TTC7A: variants seen among roughly 807,000 people sequenced by gnomAD.
TTC7A encodes the protein tetratricopeptide repeat domain 7A.
Under a neutral mutation model 103.7 loss-of-function variants are expected in TTC7A, and 110 were observed. That is an observed-to-expected ratio of 1.06 (90% CI 0.91 to 1.24). The LOEUF is 1.24. TTC7A is among the 50% of genes most tolerant of loss of function. The pLI, the probability that TTC7A is intolerant of heterozygous loss-of-function variation, is 0.00. For synonymous variants in TTC7A, 521 were observed against 467.9 expected (o/e 1.11, Z -1.47); for missense variants, 1,340 against 1,116.3 (o/e 1.20, Z -2.86).
rs945119184 is a variant in TTC7A, at chr2:47,074,436, G to C, written c.*513G>C. The stretch of plus-strand genomic sequence containing the variant: ...CCTGCATTGCCCCTGCTTGCCCTCT[G>C]AGACCAGCTGGGCCCCACCTTGCTC... On this transcript the variant is annotated 3_prime_UTR_variant, in exon 20 of 20. Transcript: ENST00000319190. 1.9e-5 allele frequency: 3 copies of C among 155,244 alleles called. No homozygotes were observed. Among genetic ancestry groups the C allele is most frequent in the Non-Finnish European group, 2.9e-5 (2 of 69,956 alleles). The allele number at this position is 155,244 out of a possible 1,614,324, so 9.6% of individuals were successfully genotyped here.
intron 5 of TTC7A, among the ~76,000 whole-genome samples, chr2:46,987,405 G>A (rs554833884): frequency 2.0e-4 from 31 of 152,302 alleles, no homozygotes; most frequent in East Asian, 1.7e-3. Flanking sequence ...GAGGGGGACC[G>A]TGCAGTGCCA....
At chr2:46,959,528 A>G (rs1470288972) in intron 3 of TTC7A, among the ~76,000 whole-genome samples, 1 of 152,122 alleles carries the variant, frequency 6.6e-6, no homozygotes, top group Admixed American at 6.5e-5. Context: ...TGGGGGCCCC[A>G]GTGTGGAGCG....
intron 3 of TTC7A, among the ~76,000 whole-genome samples, chr2:46,962,840 A>G (rs528507128): frequency 3.7e-4 from 57 of 152,196 alleles, no homozygotes; most frequent in Non-Finnish European, 6.8e-4. Context: ...ACTTGAGCCT[A>G]CCTGATAGGT....
intron 15 of TTC7A, among the ~76,000 whole-genome samples, chr2:47,038,807 T>G (rs1057255548): frequency 2.0e-5 from 3 of 151,904 alleles, no homozygotes; most frequent in African/African-American, 7.3e-5. Flanking sequence ...TGGAGCTGCT[T>G]GGATCCTGGG....
chr2:46,979,292 T>C (rs1439662648), intron 5 of TTC7A, among the ~76,000 whole-genome samples: 1 of 152,136 alleles, frequency 6.6e-6, no homozygotes, highest in Non-Finnish European at 1.5e-5. Flanking sequence ...AATGAAGTTA[T>C]TTGGTTCCTC....
In TTC7A at chr2:47,049,992, A is replaced by C. The variant is rs755929011; in HGVS notation, c.1963A>C (p.Lys655Gln). The C allele has an allele frequency of 6.2e-7, 1 of 1,614,152 alleles. No homozygotes were observed. Among genetic ancestry groups the C allele is most frequent in the Admixed American group, 1.7e-5 (1 of 60,030 alleles). Residue 655 changes from lysine to glutamine, a missense_variant, in exon 17 of 20, where the codon AAG (lysine) becomes CAG (glutamine). Coordinates refer to ENST00000319190, the MANE Select transcript of TTC7A (RefSeq NM_020458.4). ...DGSFGEGLTMKKQSGMHLTLP... is the reference protein window; with the variant it reads ...DGSFGEGLTMQKQSGMHLTLP... The stretch of plus-strand genomic sequence containing the variant: ...CAGCTTCGGTGAGGGCCTCACCATG[A>C]AGAAGCAGAGTGGCATGCACCTGAC...
intron 5 of TTC7A, among the ~76,000 whole-genome samples, chr2:46,980,754 C>T (rs1674366611): frequency 6.6e-6 from 1 of 152,224 alleles, no homozygotes; most frequent in African/African-American, 2.4e-5. Context: ...TCACAAATAG[C>T]AGGTTCCCAG....
In TTC7A at chr2:46,959,419, G is replaced by C. The variant is rs114472309; in HGVS notation, c.517+2412G>C. Among the ~76,000 whole-genome samples the C allele has an allele frequency of 2.4e-3, 368 of 152,212 alleles. 3 individuals are homozygous for C. The highest frequency in any genetic ancestry group is 7.4e-3 in the Admixed American group (113 of 15,292). ...CTGTGGTTCTGTTTGGTACTCTCAG[G>C]GGGTGGGCAGTCTGGGTCTCAGGCA... On this transcript the variant is annotated intron_variant, in intron 3 of 19. Coordinates refer to ENST00000319190, the MANE Select transcript of TTC7A (RefSeq NM_020458.4).
intron 15 of TTC7A, among the ~76,000 whole-genome samples, chr2:47,045,784 G>T (rs1240433027): frequency 6.6e-6 from 1 of 152,208 alleles, no homozygotes; most frequent in Non-Finnish European, 1.5e-5. Flanking sequence ...GTTGTGGCTG[G>T]CAAGGTGGGA....
chr2:46,947,356 T>A (rs1671029744), intron 1 of TTC7A, among the ~76,000 whole-genome samples: 1 of 152,216 alleles, frequency 6.6e-6, no homozygotes, highest in Admixed American at 6.5e-5. Flanking sequence ...TATTAGTGCC[T>A]CTTTCGCAGC....
intron 2 of TTC7A, among the ~76,000 whole-genome samples, chr2:46,952,848 A>T (rs1300127312): frequency 6.6e-6 from 1 of 152,144 alleles, no homozygotes; most frequent in Non-Finnish European, 1.5e-5. Flanking sequence ...TGCATCTCCT[A>T]TGCCTTTCTT....
intron 2 of TTC7A, among the ~76,000 whole-genome samples, chr2:46,933,247 T>TGGGA (rs1193393081): frequency 6.6e-6 from 1 of 151,902 alleles, no homozygotes; most frequent in Non-Finnish European, 1.5e-5. Context: ...ACTGGGATGG[T>TGGGA]GGGAGGGAGG....
At chr2:47,044,833 T>C (rs746684136) in intron 15 of TTC7A, among the ~76,000 whole-genome samples, 43 of 152,224 alleles carry the variant, frequency 2.8e-4, no homozygotes, top group Non-Finnish European at 5.4e-4. Context: ...AGACAAAGTA[T>C]GGAAAGATGG....
chr2:47,044,999 C>T (rs1418134213), intron 15 of TTC7A, among the ~76,000 whole-genome samples: 3 of 152,204 alleles, frequency 2.0e-5, no homozygotes, highest in Non-Finnish European at 4.4e-5. Context: ...GGTAGGGACC[C>T]TCCGATGGAG....
chr2:47,040,871 C>A (rs1424660077), intron 15 of TTC7A, among the ~76,000 whole-genome samples: 32 of 152,222 alleles, frequency 2.1e-4, no homozygotes, highest in Admixed American at 2.1e-3. Flanking sequence ...GTTTCTAATT[C>A]CTGGGCCAGT....
At chr2:46,996,266 G>T (rs1676169618) in intron 8 of TTC7A, among the ~76,000 whole-genome samples, 1 of 152,194 alleles carries the variant, frequency 6.6e-6, no homozygotes, top group Non-Finnish European at 1.5e-5. Flanking sequence ...TCATCTACAT[G>T]GTCAGGTCCA....
intron 2 of TTC7A, among the ~76,000 whole-genome samples, chr2:46,950,953 A>G (rs1438412332): frequency 6.6e-6 from 1 of 152,200 alleles, no homozygotes; most frequent in Non-Finnish European, 1.5e-5. Context: ...TGTGGCTTAC[A>G]TCATATTTTT....
At chr2:46,917,283 C>G in intron 2 of TTC7A, 1 of 674,062 alleles carries the variant, frequency 1.5e-6, no homozygotes, top group Non-Finnish European at 2.7e-6. Flanking sequence ...CAGGGGTGAG[C>G]CACCGCGCCG....
At chr2:47,056,839 A>G (rs2436769) in intron 18 of TTC7A, among the ~76,000 whole-genome samples, 71,837 of 152,018 alleles carry the variant, frequency 0.47, 21,091 homozygotes, top group African/African-American at 0.82. Flanking sequence ...GGAAGACAGC[A>G]TGAAGGAATG....
Sources: allele counts gnomAD v4.1 joint callset (sites outside exome capture counted in the v4.1 genomes callset), GRCh38; gene constraint gnomAD v4.1.1; transcripts MANE v1.5; gene names NCBI Gene and HGNC (gene_info 2026-07-23, HGNC 2026-07-21).